The following IRAK1BP1 variants were observed in gnomAD, a reference collection of about 807,000 sequenced individuals.
IRAK1BP1 encodes the protein interleukin-1 receptor-associated kinase 1-binding protein 1.
IRAK1BP1 carries 24 observed loss-of-function variants against 28.0 expected under a neutral mutation model. The ratio of observed to expected loss-of-function variants is 0.86; its 90% CI spans 0.62 to 1.20. IRAK1BP1 has a LOEUF of 1.20. Ranked by LOEUF, IRAK1BP1 falls within the 50% of genes most tolerant of loss-of-function variation. The pLI is 0.00. For synonymous variants in IRAK1BP1, 131 were observed against 116.3 expected (o/e 1.13, Z -0.81); for missense variants, 336 against 316.7 (o/e 1.06, Z -0.46).
At chr6:78,917,578 A>G (rs1032107121) in intron 4 of IRAK1BP1, among the ~76,000 whole-genome samples, 5 of 150,812 alleles carry the variant, frequency 3.3e-5, no homozygotes, top group Admixed American at 3.3e-4. Flanking sequence ...GTGAGATACT[A>G]TACAAAATGA....
intron 2 of IRAK1BP1, among the ~76,000 whole-genome samples, chr6:78,891,876 T>C (rs772259159): frequency 4.6e-5 from 7 of 152,228 alleles, no homozygotes; most frequent in Non-Finnish European, 1.0e-4. Context: ...CCTCTCCTTT[T>C]CCTTGCATGC....
At chr6:78,935,487 T>C (rs984805999) in intron 4 of IRAK1BP1, 2 of 978,316 alleles carry the variant, frequency 2.0e-6, no homozygotes, top group African/African-American at 1.7e-5. Flanking sequence ...AGAAAATATT[T>C]ATGCAAAGTG....
At chr6:78,950,501 T>C (rs554281068), downstream of IRAK1BP1, among the ~76,000 whole-genome samples, 70 of 152,240 alleles carry the variant, frequency 4.6e-4, no homozygotes, top group Non-Finnish European at 9.6e-4. Flanking sequence ...AAACTTATAA[T>C]CACAAATTAA....
At chr6:78,941,107 A>C in intron 4 of IRAK1BP1, 1 of 1,614,032 alleles carries the variant, frequency 6.2e-7, no homozygotes, top group South Asian at 1.1e-5. Flanking sequence ...GAAGTACTTC[A>C]TCTCTGATGG....
At position 78,891,742 on chromosome 6, in the gene IRAK1BP1, G is replaced by A. The variant is rs577534428; in HGVS notation, c.382-6087G>A. Among the ~76,000 whole-genome samples, 308 of 152,270 alleles carry A rather than the reference G, an allele frequency of 2.0e-3. 1 individual carries two copies. The highest frequency in any genetic ancestry group is 3.5e-3 in the Non-Finnish European group (237 of 68,008). On this transcript the variant is annotated intron_variant, in intron 2 of 3. Transcript: ENST00000369940. ...CTCCCAAAGTGTTGGGATTACAGGC[G>A]TGAGCCACCGTGCCCAGCCTAGAGG...
chr6:78,917,182 A>T (rs963915457), intron 4 of IRAK1BP1, among the ~76,000 whole-genome samples: 6 of 152,118 alleles, frequency 3.9e-5, no homozygotes, highest in Non-Finnish European at 1.5e-5. Flanking sequence ...AATCTTCTAA[A>T]GCAATTCAAG....
At chr6:78,897,050 G>A (rs1157908172) in intron 2 of IRAK1BP1, among the ~76,000 whole-genome samples, 1 of 151,736 alleles carries the variant, frequency 6.6e-6, no homozygotes, top group Non-Finnish European at 1.5e-5. Flanking sequence ...AGGAGTTTGA[G>A]ACCAGCTTGG....
At chr6:78,947,769 T>G (rs1773906433), downstream of IRAK1BP1, 1 of 1,606,990 alleles carries the variant, frequency 6.2e-7, no homozygotes, top group Non-Finnish European at 8.5e-7. Flanking sequence ...ATGATGTCTC[T>G]GTAGTCCTAG....
chr6:78,869,010 T>C (rs897890458), intron 1 of IRAK1BP1, among the ~76,000 whole-genome samples: 1 of 152,184 alleles, frequency 6.6e-6, no homozygotes, highest in Non-Finnish European at 1.5e-5. Flanking sequence ...AATACAAACA[T>C]ACAAGTTATT....
chr6:78,925,157 C>T (rs879716361), intron 4 of IRAK1BP1, among the ~76,000 whole-genome samples: 6 of 146,940 alleles, frequency 4.1e-5, no homozygotes, highest in South Asian at 4.6e-4. Flanking sequence ...CATCACACAC[C>T]GGGGCCTGTT....
chr6:78,884,792 C>T (rs1771357669), intron 1 of IRAK1BP1, among the ~76,000 whole-genome samples: 1 of 152,084 alleles, frequency 6.6e-6, no homozygotes, highest in South Asian at 2.1e-4. Flanking sequence ...AAAACACTGA[C>T]ACTCAACATT....
intron 4 of IRAK1BP1, among the ~76,000 whole-genome samples, chr6:78,921,972 G>GA (rs995351948): frequency 6.6e-5 from 10 of 152,214 alleles, no homozygotes; most frequent in African/African-American, 2.4e-4. Flanking sequence ...CAAAGATGGG[G>GA]AAAAAACAGA....
In IRAK1BP1 at chr6:78,940,753, A is replaced by G. The variant is rs762132284; in HGVS notation, c.*68-4655A>G. On this transcript the variant is annotated intron_variant and NMD_transcript_variant, in intron 4 of 4. Transcript: ENST00000606868. ...TCAACTTTCGGACTCGTCCTCTACT[A>G]GAAGTTCCAAAAGTTAAAGAGGTGT... 3 of 1,613,588 alleles carry G rather than the reference A, an allele frequency of 1.9e-6. No individual in the cohort carries two copies. In the South Asian group the frequency reaches 3.3e-5, roughly 18 times the overall value.
chr6:78,977,318 T>C, the IRAK1BP1 span, among the ~76,000 whole-genome samples: 1,721 of 151,764 alleles, frequency 0.011, 31 homozygotes, highest in African/African-American at 0.039. Context: ...TAGGTGGGAA[T>C]TGAACAATGA....
chr6:78,893,316 A>G lies in IRAK1BP1; in HGVS notation c.382-4513A>G, dbSNP rs9343845. ...TATGTGTGTGTGTGTGTGTGTGTGT[A>G]TATATATATATATATATATATATAT... On this transcript the variant is annotated intron_variant, in intron 2 of 3. Coordinates refer to ENST00000369940, the MANE Select transcript of IRAK1BP1 (RefSeq NM_001010844.4). 9.7e-3 allele frequency among the ~76,000 whole-genome samples: 335 copies of G among 34,510 alleles called. 2 individuals carry two copies. Among genetic ancestry groups the G allele is most frequent in the African/African-American group, 0.021 (175 of 8,226 alleles). 22.6% of individuals were successfully genotyped at this position (34,510 alleles called of 152,430 possible).
chr6:78,967,865 T>A, the IRAK1BP1 span, among the ~76,000 whole-genome samples: 1 of 152,270 alleles, frequency 6.6e-6, no homozygotes, highest in African/African-American at 2.4e-5. Flanking sequence ...CCGGGCGCGG[T>A]GGCTCATGCC....
intron 4 of IRAK1BP1, among the ~76,000 whole-genome samples, chr6:78,918,035 C>G (rs1038831072): frequency 3.3e-5 from 5 of 152,204 alleles, no homozygotes; most frequent in African/African-American, 9.6e-5. Context: ...TACAAAGCAG[C>G]TAGCTAATAA....
chr6:78,931,534 G>A (rs1207036261), intron 4 of IRAK1BP1, among the ~76,000 whole-genome samples: 2 of 151,950 alleles, frequency 1.3e-5, no homozygotes, highest in South Asian at 4.1e-4. Context: ...GTCTGGTTCC[G>A]GACCACCAAA....
At chr6:78,968,865 A>G in the IRAK1BP1 span, among the ~76,000 whole-genome samples, 2 of 152,308 alleles carry the variant, frequency 1.3e-5, no homozygotes, top group African/African-American at 4.8e-5. Flanking sequence ...AACTTGTTAG[A>G]TAAGTTATGT....
Sources: gnomAD v4.1 joint callset for allele counts (sites outside exome capture counted in the v4.1 genomes callset) on GRCh38, gnomAD v4.1.1 for gene constraint, MANE v1.5 for transcripts, NCBI Gene and HGNC (gene_info 2026-07-23, HGNC 2026-07-21) for gene names.